DRC9: variants seen among roughly 807,000 people sequenced by gnomAD.
DRC9 encodes the protein dynein regulatory complex protein 9.
At chr3:197,921,292 G>A in the DRC9 span, among the ~76,000 whole-genome samples, 2 of 127,136 alleles carry the variant, frequency 1.6e-5, no homozygotes, top group East Asian at 2.1e-4. Context: ...TGGTCGACCC[G>A]ACTACTGGTT....
chr3:197,946,828 T>C, the DRC9 span, among the ~76,000 whole-genome samples: 357 of 152,294 alleles, frequency 2.3e-3, no homozygotes, highest in African/African-American at 8.0e-3. Flanking sequence ...TTTTTTTCTT[T>C]TCTTTTTTTT....
chr3:197,919,317 C>T, the DRC9 span, among the ~76,000 whole-genome samples: 4 of 152,144 alleles, frequency 2.6e-5, no homozygotes, highest in African/African-American at 4.8e-5. Context: ...AAACCAAGAT[C>T]GAGGCATACT....
chr3:197,930,811 G>A, the DRC9 span, among the ~76,000 whole-genome samples: 2 of 151,658 alleles, frequency 1.3e-5, no homozygotes, highest in South Asian at 2.1e-4. Context: ...CGAGGTGGGC[G>A]GATTACGAGG....
At chr3:197,951,034 C>A in the DRC9 span, 8 of 1,601,778 alleles carry the variant, frequency 5.0e-6, no homozygotes, top group Non-Finnish European at 6.8e-6. Flanking sequence ...AACGTAAATG[C>A]GAGCTTAAAA....
the DRC9 span, among the ~76,000 whole-genome samples, chr3:197,935,555 C>T: frequency 6.6e-6 from 1 of 152,054 alleles, no homozygotes; most frequent in East Asian, 1.9e-4. Context: ...ATGATCGTAA[C>T]TCACTGTAAC....
chr3:197,932,991 A>G, the DRC9 span, among the ~76,000 whole-genome samples: 5 of 134,086 alleles, frequency 3.7e-5, no homozygotes, highest in African/African-American at 1.5e-4. Context: ...ATTATATATT[A>G]CATATTATAT....
At chr3:197,891,521 A>G in the DRC9 span, 3 of 1,599,112 alleles carry the variant, frequency 1.9e-6, no homozygotes, top group Admixed American at 5.0e-5. Flanking sequence ...TACGATCTTC[A>G]ATGATGACCT....
chr3:197,928,852 G>A, the DRC9 span, among the ~76,000 whole-genome samples: 1 of 152,180 alleles, frequency 6.6e-6, no homozygotes, highest in East Asian at 1.9e-4. Context: ...ACAGAATAAA[G>A]CTACAGGCCC....
At chr3:197,943,049 T>C in the DRC9 span, among the ~76,000 whole-genome samples, 1 of 152,214 alleles carries the variant, frequency 6.6e-6, no homozygotes, top group East Asian at 1.9e-4. Context: ...ATAAAGACTT[T>C]GCTCACTACT....
the DRC9 span, among the ~76,000 whole-genome samples, chr3:197,905,923 GAGA>G: frequency 6.6e-6 from 1 of 151,614 alleles, no homozygotes. Flanking sequence ...TCATCCTGAT[GAGA>G]AGAAAAACTT....
chr3:197,895,192 G>C, the DRC9 span, among the ~76,000 whole-genome samples: 1 of 152,086 alleles, frequency 6.6e-6, no homozygotes, highest in East Asian at 1.9e-4. Context: ...GAGGGAACAG[G>C]CTCCAGACAG....
the DRC9 span, chr3:197,914,011 T>C: frequency 1.2e-6 from 2 of 1,614,036 alleles, no homozygotes; most frequent in African/African-American, 2.7e-5. Flanking sequence ...TTGCAGTTGG[T>C]CCTTGAGGTT....
At chr3:197,904,190 A>G in the DRC9 span, among the ~76,000 whole-genome samples, 2 of 151,364 alleles carry the variant, frequency 1.3e-5, no homozygotes, top group Non-Finnish European at 2.9e-5. Flanking sequence ...ACATATAGAA[A>G]GGTGCTCAGC....
the DRC9 span, among the ~76,000 whole-genome samples, chr3:197,920,672 A>G: frequency 2.0e-5 from 3 of 152,192 alleles, no homozygotes; most frequent in Non-Finnish European, 4.4e-5. Context: ...TATTGTAAAT[A>G]ATATATATAA....
chr3:197,950,136 A>AGGGC, the DRC9 span: 1 of 1,231,678 alleles, frequency 8.1e-7, no homozygotes, highest in African/African-American at 1.6e-5. Flanking sequence ...GCCTAAATTG[A>AGGGC]GGGCGGAGTC....
the DRC9 span, among the ~76,000 whole-genome samples, chr3:197,904,037 T>TTTTTTTTTTTTAA: frequency 1.1e-5 from 1 of 92,070 alleles, no homozygotes. Flanking sequence ...TATATATACA[T>TTTTTTTTTTTTAA]ACATATATAT....
chr3:197,905,440 T>C, the DRC9 span, among the ~76,000 whole-genome samples: 1 of 152,268 alleles, frequency 6.6e-6, no homozygotes, highest in East Asian at 1.9e-4. Flanking sequence ...AATCAGTTTT[T>C]CAGCAGTCTA....
chr3:197,932,332 G>A, the DRC9 span: 3 of 1,593,136 alleles, frequency 1.9e-6, no homozygotes, highest in African/African-American at 4.1e-5. Context: ...AACAAAAAAT[G>A]AGTTAATAAA....
the DRC9 span, among the ~76,000 whole-genome samples, chr3:197,900,156 G>A: frequency 0.05 from 7,577 of 152,244 alleles, 331 homozygotes; most frequent in African/African-American, 0.12. This position sits in a 1 kb window ranked among gnomAD's most constrained non-coding sequence, Gnocchi z 4.7. Context: ...GGGCTACGCC[G>A]CTCTGGGGTC....
Sources: allele counts gnomAD v4.1 joint callset (sites outside exome capture counted in the v4.1 genomes callset), GRCh38; gene constraint gnomAD v4.1.1; non-coding constraint Gnocchi (gnomAD v3.1); transcripts MANE v1.5; gene names NCBI Gene and HGNC (gene_info 2026-07-23, HGNC 2026-07-21).